The following MED27 variants were observed in gnomAD, a reference collection of about 807,000 sequenced individuals.
MED27 encodes mediator complex subunit 27.
A neutral mutation model predicts 38.2 loss-of-function variants in MED27; 30 were observed. The ratio of observed to expected loss-of-function variants is 0.79; its 90% confidence interval spans 0.59 to 1.07. The LOEUF is 1.07. Ranked by LOEUF, MED27 falls within the 50% of genes least tolerant of loss-of-function variation. The pLI, the probability that MED27 is intolerant of heterozygous loss-of-function variation, is 0.00. For synonymous variants in MED27, 122 were observed against 153.5 expected, an observed-to-expected ratio of 0.79 and a Z score of 1.52; for missense variants, 289 against 397.5, an observed-to-expected ratio of 0.73 and a Z score of 2.32.
chr9:131,995,071 G>A (rs1832061933), intron 3 of MED27, among the ~76,000 whole-genome samples: 1 of 152,180 alleles, frequency 6.6e-6, no homozygotes, highest in Admixed American at 6.5e-5. Flanking sequence ...CTAGACTACA[G>A]GAAGACTCAT....
chr9:132,060,092 T>C (rs1224724165), intron 2 of MED27, among the ~76,000 whole-genome samples: 1 of 152,112 alleles, frequency 6.6e-6, no homozygotes, highest in African/African-American at 2.4e-5. Context: ...TGCTGGGAAG[T>C]TGGTTTCAAG....
At chr9:131,946,319 C>T (rs183855047) in intron 3 of MED27, among the ~76,000 whole-genome samples, 4 of 152,254 alleles carry the variant, frequency 2.6e-5, no homozygotes, top group Non-Finnish European at 4.4e-5. Flanking sequence ...TTTGAGGAAC[C>T]GCCATACTAT....
rs1838632051 is a variant in MED27 at position 131,860,410 on chromosome 9, G to GAA, written c.*127_*128insTT. 8.9e-7 allele frequency: 1 copy of GAA among 1,125,386 alleles called. No homozygotes were observed. Among genetic ancestry groups the GAA allele is most frequent in the Admixed American group, 3.3e-5 (1 of 30,626 alleles). The allele number at this position is 1,125,386 out of a possible 1,614,324, so 69.7% of individuals were successfully genotyped here. On this transcript the variant is annotated 3_prime_UTR_variant, in exon 8 of 8. Transcript: ENST00000292035. This position sits in a 1 kb window ranked among gnomAD's most constrained non-coding sequence, Gnocchi z 5.8. The stretch of plus-strand genomic sequence containing the variant: ...CAAGAGTGGCCTCTGCACACATGGC[G>GAA]CTGCTTTATGAAAGGGAGGAGCAGC...
intron 2 of MED27, chr9:132,073,392 T>G (rs1833983255): frequency 1.9e-6 from 2 of 1,051,316 alleles, no homozygotes; most frequent in African/African-American, 3.4e-5. Context: ...TCAGTGAATC[T>G]TCACTGAATG....
intron 3 of MED27, among the ~76,000 whole-genome samples, chr9:132,006,741 T>C (rs1386532729): frequency 6.6e-6 from 1 of 152,070 alleles, no homozygotes; most frequent in African/African-American, 2.4e-5. Context: ...AAGAGACTTG[T>C]TTAATGAGCT....
intron 2 of MED27, among the ~76,000 whole-genome samples, chr9:132,057,950 A>G (rs1833614831): frequency 6.6e-6 from 1 of 152,230 alleles, no homozygotes; most frequent in Non-Finnish European, 1.5e-5. Flanking sequence ...TAACCTGGAC[A>G]ATATAGTAAA....
chr9:131,935,466 T>A lies in MED27; in HGVS notation c.573+3915A>T, dbSNP rs117735737. Among the ~76,000 whole-genome samples, 1,269 of 152,320 alleles carry A rather than the reference T, an allele frequency of 8.3e-3. 16 individuals carry two copies. The highest frequency in any genetic ancestry group is 0.014 in the Non-Finnish European group (939 of 68,028). On this transcript the variant is annotated intron_variant, in intron 4 of 7. Transcript: ENST00000292035. ...AGCAAAATTGTAACCAACCCCAACA[T>A]GCCTTGGCAAGAGAAAGAATAAAGT...
chr9:131,867,258 G>A (rs1415438346), intron 6 of MED27, among the ~76,000 whole-genome samples: 1 of 152,180 alleles, frequency 6.6e-6, no homozygotes, highest in African/African-American at 2.4e-5. Flanking sequence ...AGTGGGGACT[G>A]CGGGACAGGA....
intron 2 of MED27, among the ~76,000 whole-genome samples, chr9:132,046,868 C>A (rs1322679518): frequency 6.6e-6 from 1 of 152,104 alleles, no homozygotes; most frequent in Non-Finnish European, 1.5e-5. Context: ...TGAAAGTACC[C>A]AGCAGAGCAG....
intron 3 of MED27, among the ~76,000 whole-genome samples, chr9:131,949,224 C>T (rs1364749810): frequency 6.6e-6 from 1 of 152,086 alleles, no homozygotes. Context: ...ACATTAAGTA[C>T]TAAGGATAGA....
intron 2 of MED27, among the ~76,000 whole-genome samples, chr9:132,071,670 A>G (rs934168224): frequency 2.6e-5 from 4 of 151,834 alleles, no homozygotes; most frequent in African/African-American, 9.7e-5. Context: ...CCCGTGCCCC[A>G]TGAATGAGCA....
intron 2 of MED27, among the ~76,000 whole-genome samples, chr9:132,060,190 C>T (rs923413269): frequency 2.0e-5 from 3 of 152,070 alleles, no homozygotes; most frequent in Admixed American, 6.5e-5. Context: ...GACCCCCATG[C>T]GTAGAGATTA....
chr9:132,040,587 T>C (rs975400806), intron 2 of MED27, among the ~76,000 whole-genome samples: 1 of 152,204 alleles, frequency 6.6e-6, no homozygotes, highest in East Asian at 1.9e-4. Flanking sequence ...CATGTTTACT[T>C]TTAGCTGGGA....
At chr9:132,043,711 A>G (rs1234287271) in intron 2 of MED27, among the ~76,000 whole-genome samples, 1 of 152,198 alleles carries the variant, frequency 6.6e-6, no homozygotes, top group Non-Finnish European at 1.5e-5. Flanking sequence ...GGAATTTATG[A>G]TCCAGGAAAA....
At chr9:132,010,435 GA>G (rs2131070953) in intron 3 of MED27, among the ~76,000 whole-genome samples, 1 of 152,312 alleles carries the variant, frequency 6.6e-6, no homozygotes, top group South Asian at 2.1e-4. Flanking sequence ...CTGTTGGTGG[GA>G]CTGTAAACTA....
chr9:132,021,526 C>T (rs1832716642), intron 2 of MED27, among the ~76,000 whole-genome samples: 2 of 152,154 alleles, frequency 1.3e-5, no homozygotes, highest in South Asian at 4.1e-4. Flanking sequence ...TTGGTGTTTT[C>T]CTGTCTCCCA....
rs1220019813 is a variant in MED27, at chr9:132,014,458, G to A, written c.358C>T (p.His120Tyr). 1.9e-6 allele frequency: 3 copies of A among 1,613,092 alleles called. No homozygotes were observed. The highest frequency in any genetic ancestry group is 1.1e-5 in the South Asian group (1 of 90,824). Reference sequence around the variant, plus strand: ...AAAAGGCCAGATGCTAGTCCTGCATGGTACTGCAACTGCAGAGAAAAACAA... The same window carrying A: ...AAAAGGCCAGATGCTAGTCCTGCATAGTACTGCAACTGCAGAGAAAAACAA... ...AYKWSNKLQY[H>Y]AGLASGLLNQ... is the part of the protein sequence containing the mutation. The change falls in exon 3 of 8, where the codon CAT (histidine) becomes TAT (tyrosine). Residue 120 changes from histidine to tyrosine, a missense_variant. Coordinates refer to ENST00000292035, the MANE Select transcript of MED27 (RefSeq NM_004269.4).
At chr9:131,999,568 G>T (rs1469375174) in intron 3 of MED27, among the ~76,000 whole-genome samples, 1 of 152,132 alleles carries the variant, frequency 6.6e-6, no homozygotes, top group Non-Finnish European at 1.5e-5. Flanking sequence ...TTAAGGGAAG[G>T]TTATTCATCA....
At chr9:132,055,198 G>A (rs2131142246) in intron 2 of MED27, among the ~76,000 whole-genome samples, 1 of 152,298 alleles carries the variant, frequency 6.6e-6, no homozygotes, top group Admixed American at 6.5e-5. Flanking sequence ...GCATTCTCAG[G>A]AGACAGGATT....
Sources: gnomAD v4.1 joint callset for allele counts (sites outside exome capture counted in the v4.1 genomes callset) on GRCh38, gnomAD v4.1.1 for gene constraint, Gnocchi (gnomAD v3.1) non-coding constraint, MANE v1.5 for transcripts, NCBI Gene and HGNC (gene_info 2026-07-23, HGNC 2026-07-21) for gene names.